Variants in UNC13C observed in about 807,000 individuals in gnomAD.
UNC13C encodes protein unc-13 homolog C.
In UNC13C, 174 loss-of-function variants were observed where a neutral mutation model predicts 245.4. The ratio of observed to expected loss-of-function variants is 0.71; its 90% CI spans 0.63 to 0.80. UNC13C has a LOEUF of 0.80. Ranked by LOEUF, UNC13C falls within the 30% of genes least tolerant of loss-of-function variation. The probability of loss-of-function intolerance (pLI) is 0.00; values close to 1 mark genes in which losing one functional copy is unlikely to be tolerated. For synonymous variants in UNC13C, 992 were observed against 895.1 expected, an observed-to-expected ratio of 1.11 and a Z score of -1.93; for missense variants, 2,829 against 2,602.9, an observed-to-expected ratio of 1.09 and a Z score of -1.89.
chr15:54,535,366 G>A (rs1456586808), intron 26 of UNC13C, among the ~76,000 whole-genome samples: 2 of 151,954 alleles, frequency 1.3e-5, no homozygotes, highest in East Asian at 3.9e-4. Flanking sequence ...GATTTATAAA[G>A]CAATTTCTTA....
chr15:54,125,296 T>C (rs1040981191), intron 2 of UNC13C, among the ~76,000 whole-genome samples: 9 of 152,222 alleles, frequency 5.9e-5, no homozygotes, highest in African/African-American at 2.2e-4. Context: ...AACTTGTCTC[T>C]AATAAAAATA....
At chr15:54,250,522 C>A in intron 8 of UNC13C, 78 bp downstream of exon 8, 2 of 1,349,278 alleles carry the variant, frequency 1.5e-6, no homozygotes, top group Non-Finnish European at 2.0e-6. Context: ...ATCACTTCAA[C>A]TCTTGCTGGT....
At position 54,184,483 on chromosome 15, in the gene UNC13C, G is replaced by A. The variant is rs28396407; in HGVS notation, c.3071+40799G>A. Among the ~76,000 whole-genome samples, 911 of 151,854 alleles carry A rather than the reference G, an allele frequency of 6.0e-3. 14 individuals carry two copies. Among genetic ancestry groups the A allele is most frequent in the African/African-American group, 0.021 (874 of 41,388 alleles). On this transcript the variant is annotated intron_variant, in intron 4 of 32. Transcript: ENST00000260323. ...CTTCCTGTGTCCATGTGTTCTCTTC[G>A]ATCAATTCCCACCTATGAGTGAGAA...
chr15:54,506,687 A>AT (rs909607635), intron 22 of UNC13C, among the ~76,000 whole-genome samples: 6 of 152,180 alleles, frequency 3.9e-5, no homozygotes, highest in African/African-American at 1.4e-4. Context: ...CCCTCAGTTG[A>AT]TTTTGAGCCA....
chr15:54,476,913 CATG>C (rs1342476638), intron 19 of UNC13C, among the ~76,000 whole-genome samples: 1 of 150,630 alleles, frequency 6.6e-6, no homozygotes, highest in Non-Finnish European at 1.5e-5. Flanking sequence ...CGGCCATTTT[CATG>C]ATATTGATTC....
At chr15:54,144,960 T>C (rs983087411) in intron 4 of UNC13C, among the ~76,000 whole-genome samples, 1 of 152,062 alleles carries the variant, frequency 6.6e-6, no homozygotes, top group East Asian at 1.9e-4. Flanking sequence ...TCTATATAGA[T>C]TTTTGTTTTA....
In UNC13C at chr15:53,978,465, G is replaced by A. The variant is rs770443129; in HGVS notation, c.-719G>A. Among the ~76,000 whole-genome samples the A allele has an allele frequency of 1.8e-4, 28 of 152,316 alleles. No homozygotes were observed. The highest frequency in any genetic ancestry group is 8.3e-4 in the South Asian group (4 of 4,826). On this transcript the variant is annotated 5_prime_UTR_variant, in exon 1 of 33. Transcript: ENST00000260323. ...CAGAAAAGACTCAGCCGCAGCCGGCGATGTGTGAAGTTCCCAGCACGCACT... is the reference window on the plus strand; with the variant it reads ...CAGAAAAGACTCAGCCGCAGCCGGCAATGTGTGAAGTTCCCAGCACGCACT...
intron 10 of UNC13C, among the ~76,000 whole-genome samples, chr15:54,277,870 T>C (rs2036874480): frequency 6.6e-6 from 1 of 152,008 alleles, no homozygotes; most frequent in Admixed American, 6.6e-5. Flanking sequence ...ATGATACAGT[T>C]GGGGGAAATT....
chr15:53,996,922 T>A (rs773386235), intron 1 of UNC13C, among the ~76,000 whole-genome samples: 23 of 152,044 alleles, frequency 1.5e-4, no homozygotes, highest in Non-Finnish European at 3.2e-4. Context: ...TTATTTCTCA[T>A]GGGTGAGTAC....
At chr15:54,438,621 T>A (rs1221266838) in intron 19 of UNC13C, among the ~76,000 whole-genome samples, 2 of 152,004 alleles carry the variant, frequency 1.3e-5, no homozygotes, top group African/African-American at 4.8e-5. Context: ...TTCTCTAATT[T>A]GTTATCTAGG....
At chr15:54,409,338 T>A (rs775185971) in intron 18 of UNC13C, among the ~76,000 whole-genome samples, 1 of 152,026 alleles carries the variant, frequency 6.6e-6, no homozygotes, top group African/African-American at 2.4e-5. Context: ...TTCCAGTTTG[T>A]TGTTTTATTT....
At chr15:54,610,052 C>A (rs1172545138) in intron 30 of UNC13C, among the ~76,000 whole-genome samples, 14 of 152,050 alleles carry the variant, frequency 9.2e-5, no homozygotes, top group Admixed American at 9.2e-4. Context: ...ATGGGAACCG[C>A]AATTCAAGAT....
At chr15:54,082,663 G>A (rs1371998308) in intron 2 of UNC13C, among the ~76,000 whole-genome samples, 1 of 152,092 alleles carries the variant, frequency 6.6e-6, no homozygotes, top group African/African-American at 2.4e-5. Flanking sequence ...TACTGCTGGA[G>A]TTCTCCTCTT....
At chr15:54,494,304 C>G (rs1893854084) in intron 19 of UNC13C, among the ~76,000 whole-genome samples, 1 of 152,074 alleles carries the variant, frequency 6.6e-6, no homozygotes, top group South Asian at 2.1e-4. Context: ...TGAAAATTTG[C>G]AGATAAACAG....
intron 2 of UNC13C, among the ~76,000 whole-genome samples, chr15:54,056,720 G>A (rs1295354403): frequency 1.3e-5 from 2 of 152,132 alleles, no homozygotes; most frequent in Admixed American, 6.5e-5. Context: ...GAAAGGTCGG[G>A]TTACCCAGAA....
intron 13 of UNC13C, among the ~76,000 whole-genome samples, chr15:54,301,068 A>G (rs2037567226): frequency 6.6e-6 from 1 of 152,122 alleles, no homozygotes; most frequent in South Asian, 2.1e-4. Flanking sequence ...ACTTCCCCAT[A>G]GTTTCCTTTT....
At chr15:53,893,231 G>C in the UNC13C span, among the ~76,000 whole-genome samples, 1 of 152,188 alleles carries the variant, frequency 6.6e-6, no homozygotes, top group African/African-American at 2.4e-5. Flanking sequence ...TGGAAGCTTT[G>C]TCCCAGAGGG....
chr15:54,348,104 A>G (rs893971927), intron 17 of UNC13C, among the ~76,000 whole-genome samples: 1 of 152,156 alleles, frequency 6.6e-6, no homozygotes, highest in Non-Finnish European at 1.5e-5. Flanking sequence ...TGATTCATGT[A>G]TGTACAGTTT....
chr15:54,620,238 A>G lies in UNC13C; in HGVS notation c.6107-2089A>G, dbSNP rs184203625. 2.3e-3 allele frequency among the ~76,000 whole-genome samples: 347 copies of G among 152,274 alleles called. 1 individual carries two copies. Among genetic ancestry groups the G allele is most frequent in the African/African-American group, 8.1e-3 (337 of 41,570 alleles). ...TTTAAAGCCTCTGCCCCTGACGTCA[A>G]TATAACCCTCAATAACTGATTGAAA... On this transcript the variant is annotated intron_variant, in intron 30 of 32. Coordinates refer to ENST00000260323, the MANE Select transcript of UNC13C (RefSeq NM_001080534.3).
Sources: gnomAD v4.1 joint callset for allele counts (sites outside exome capture counted in the v4.1 genomes callset) on GRCh38, gnomAD v4.1.1 for gene constraint, MANE v1.5 for transcripts, NCBI Gene and HGNC (gene_info 2026-07-23, HGNC 2026-07-21) for gene names.